The following ARHGEF12 variants were observed in gnomAD, a reference collection of about 807,000 sequenced individuals.
ARHGEF12 encodes Rho guanine nucleotide exchange factor 12, also known as KMT2A/ARHGEF12 fusion protein.
Under a neutral mutation model 211.2 loss-of-function variants are expected in ARHGEF12, and 66 were observed. That is an observed-to-expected ratio of 0.31 (90% CI 0.26 to 0.38). ARHGEF12 has a LOEUF of 0.38. Ranked by LOEUF, ARHGEF12 falls within the 10% of genes least tolerant of loss-of-function variation. ARHGEF12 has a pLI of 1.00. For missense variants in ARHGEF12, 1,429 were observed against 1,869.5 expected, an observed-to-expected ratio of 0.76 and a Z score of 4.34; for synonymous variants, 592 against 638.4, an observed-to-expected ratio of 0.93 and a Z score of 1.09.
chr11:120,398,633 T>C (rs1944460588), intron 1 of ARHGEF12, among the ~76,000 whole-genome samples: 1 of 152,190 alleles, frequency 6.6e-6, no homozygotes, highest in Non-Finnish European at 1.5e-5. Context: ...GAATTCGTAA[T>C]GTTTGACACC....
At chr11:120,449,049 A>C in intron 20 of ARHGEF12, 60 bp from the exon 21 acceptor site, 1 of 1,441,484 alleles carries the variant, frequency 6.9e-7, no homozygotes, top group Non-Finnish European at 9.6e-7. Context: ...TTACACTATG[A>C]AAATCGCAAA....
At chr11:120,419,928 T>C (rs1945134295) in intron 4 of ARHGEF12, among the ~76,000 whole-genome samples, 1 of 152,174 alleles carries the variant, frequency 6.6e-6, no homozygotes, top group Non-Finnish European at 1.5e-5. Context: ...TCAGATCTGG[T>C]CTATGATAAA....
chr11:120,381,920 A>G (rs1166692025), intron 1 of ARHGEF12, among the ~76,000 whole-genome samples: 3 of 152,188 alleles, frequency 2.0e-5, no homozygotes, highest in Admixed American at 6.5e-5. Flanking sequence ...GGATTTTTCC[A>G]TGTAGTAAAA....
At chr11:120,380,472 G>A (rs1185630448) in intron 1 of ARHGEF12, among the ~76,000 whole-genome samples, 1 of 152,154 alleles carries the variant, frequency 6.6e-6, no homozygotes, top group Non-Finnish European at 1.5e-5. Flanking sequence ...CAGTTTCTCA[G>A]TTTTTCCTTG....
chr11:120,412,895 T>A (rs796320554), intron 4 of ARHGEF12, among the ~76,000 whole-genome samples: 2 of 152,342 alleles, frequency 1.3e-5, no homozygotes, highest in African/African-American at 4.8e-5. Flanking sequence ...CCCTTGATTC[T>A]ACCATCACAA....
At chr11:120,456,495 A>G (rs927608028) in intron 22 of ARHGEF12, among the ~76,000 whole-genome samples, 1 of 152,208 alleles carries the variant, frequency 6.6e-6, no homozygotes, top group African/African-American at 2.4e-5. Flanking sequence ...AAAGAAATAG[A>G]TATTAACTAA....
At chr11:120,337,503 G>T in intron 1 of ARHGEF12, 4 of 985,434 alleles carry the variant, frequency 4.1e-6, no homozygotes, top group Non-Finnish European at 3.6e-6. Flanking sequence ...CTCAGAGAAG[G>T]GGGAGGCAAA....
At chr11:120,353,357 G>A (rs919043283) in intron 1 of ARHGEF12, among the ~76,000 whole-genome samples, 4 of 152,216 alleles carry the variant, frequency 2.6e-5, no homozygotes, top group African/African-American at 7.2e-5. Context: ...GGTGCAGTCA[G>A]CCTGAACCGT....
At chr11:120,377,718 A>T (rs977746955) in intron 1 of ARHGEF12, among the ~76,000 whole-genome samples, 1 of 152,150 alleles carries the variant, frequency 6.6e-6, no homozygotes, top group Admixed American at 6.6e-5. Context: ...TTTTCTTACC[A>T]TAATAGTATT....
intron 36 of ARHGEF12, 79 bp from the exon 37 acceptor site, chr11:120,478,076 TG>T: frequency 1.1e-6 from 1 of 901,846 alleles, no homozygotes; most frequent in Non-Finnish European, 1.7e-6. Flanking sequence ...TTTTTTTTTC[TG>T]ATTCTTCCCT....
At chr11:120,354,376 G>A (rs1206980300) in intron 1 of ARHGEF12, among the ~76,000 whole-genome samples, 2 of 152,108 alleles carry the variant, frequency 1.3e-5, no homozygotes, top group East Asian at 3.9e-4. Flanking sequence ...CTTCTCACTG[G>A]CCATCTTCTC....
At position 120,398,629 on chromosome 11, in the gene ARHGEF12, G is replaced by A. The variant is rs1019976934; in HGVS notation, c.33-7489G>A. Among the ~76,000 whole-genome samples, 37 of 152,072 alleles carry A rather than the reference G, an allele frequency of 2.4e-4. 1 individual carries two copies. The highest frequency in any genetic ancestry group is 1.8e-3 in the Admixed American group (27 of 15,258). On this transcript the variant is annotated intron_variant, in intron 1 of 40. Coordinates refer to ENST00000397843, the MANE Select transcript of ARHGEF12 (RefSeq NM_015313.3). Reference sequence around the variant, plus strand: ...ATTGCTAATTCTGATTGAGGAATTCGTAATGTTTGACACCAGAACCAGAGC... The same window carrying A: ...ATTGCTAATTCTGATTGAGGAATTCATAATGTTTGACACCAGAACCAGAGC...
chr11:120,369,614 A>C (rs1417488652), intron 1 of ARHGEF12, among the ~76,000 whole-genome samples: 2 of 152,232 alleles, frequency 1.3e-5, no homozygotes, highest in Admixed American at 6.5e-5. Context: ...CAACAAAAGT[A>C]GTTTATTTTG....
At chr11:120,480,504 G>A (rs1267403101) in intron 38 of ARHGEF12, 74 bp downstream of exon 38, 2 of 1,387,064 alleles carry the variant, frequency 1.4e-6, no homozygotes, top group South Asian at 1.4e-5. Flanking sequence ...TGAAATGGAT[G>A]TTGTATTGGT....
At position 120,336,635 on chromosome 11, in the gene ARHGEF12, TC is replaced by T. The variant is rs1349441725; in HGVS notation, c.-608del. Among the ~76,000 whole-genome samples the T allele has an allele frequency of 2.0e-5, 3 of 151,772 alleles. No individual in the cohort carries two copies. Among genetic ancestry groups the T allele is most frequent in the Non-Finnish European group, 4.4e-5 (3 of 67,922 alleles). The stretch of plus-strand genomic sequence containing the variant: ...CCCTGTCACCTCGGGCCGCGGGACC[TC>T]TCCGCCGGCGCCAGCGGCTCGTCCC... On this transcript the variant is annotated 5_prime_UTR_variant, in exon 1 of 41. Coordinates refer to ENST00000397843, the MANE Select transcript of ARHGEF12 (RefSeq NM_015313.3).
In ARHGEF12 at chr11:120,489,091, A is replaced by C. The variant is rs1189615845; in HGVS notation, c.*4014A>C. 4.5e-6 allele frequency: 1 copy of C among 223,390 alleles called. No homozygotes were observed. The highest frequency in any genetic ancestry group is 6.6e-5 in the East Asian group (1 of 15,160). The allele number at this position is 223,390 out of a possible 1,614,324, so 13.8% of individuals were successfully genotyped here. A position where few individuals can be genotyped will look rare whatever the true frequency, so the allele number is the denominator to read the frequency against. ...TTTGTCTTGTCCAAGTTATATTAGAAAAGTTGAGGAGTCGAGGAGCCTGTA... is the reference window on the plus strand; with the variant it reads ...TTTGTCTTGTCCAAGTTATATTAGACAAGTTGAGGAGTCGAGGAGCCTGTA... On this transcript the variant is annotated 3_prime_UTR_variant, in exon 41 of 41. Transcript: ENST00000397843.
intron 1 of ARHGEF12, among the ~76,000 whole-genome samples, chr11:120,338,025 C>T (rs114938404): frequency 0.011 from 1,673 of 152,290 alleles, 32 homozygotes; most frequent in African/African-American, 0.038. Context: ...ACCAGTGTTG[C>T]ATGGTGGTGG....
intron 4 of ARHGEF12, 69 bp from the exon 5 acceptor site, chr11:120,420,684 A>C: frequency 7.8e-7 from 1 of 1,279,354 alleles, no homozygotes; most frequent in African/African-American, 1.5e-5. Flanking sequence ...TATTACTAAT[A>C]TATAATTATT....
At chr11:120,371,924 T>C (rs1390916023) in intron 1 of ARHGEF12, among the ~76,000 whole-genome samples, 2 of 152,228 alleles carry the variant, frequency 1.3e-5, no homozygotes, top group East Asian at 3.8e-4. Context: ...TTTCAAATGG[T>C]TTTTTGAATG....
Sources: allele counts gnomAD v4.1 joint callset (sites outside exome capture counted in the v4.1 genomes callset), GRCh38; gene constraint gnomAD v4.1.1; transcripts MANE v1.5; gene names NCBI Gene and HGNC (gene_info 2026-07-23, HGNC 2026-07-21).